BCL2L13: variants seen among roughly 807,000 people sequenced by gnomAD.
BCL2L13 encodes BCL2 like 13, also known as bcl-2-like protein 13.
A neutral mutation model predicts 25.8 loss-of-function variants in BCL2L13; 13 were observed. That is an observed-to-expected ratio of 0.50 (90% CI 0.33 to 0.80). The LOEUF (loss-of-function observed/expected upper bound fraction) is 0.80, where lower values mean the gene tolerates loss of function less well. BCL2L13 is among the 30% of genes least tolerant of loss of function. BCL2L13 has a pLI of 0.02. For missense variants in BCL2L13, 504 were observed against 574.9 expected (o/e 0.88, Z 1.26); for synonymous variants, 244 against 230.3 (o/e 1.06, Z -0.54).
At chr22:17,721,508 C>G (rs1415281098) in intron 6 of BCL2L13, among the ~76,000 whole-genome samples, 2 of 145,524 alleles carry the variant, frequency 1.4e-5, no homozygotes, top group Non-Finnish European at 3.0e-5. Context: ...TTTTTTAAGT[C>G]ATGACACTTA....
At chr22:17,649,521 G>C (rs1056766780) in intron 1 of BCL2L13, among the ~76,000 whole-genome samples, 4 of 148,260 alleles carry the variant, frequency 2.7e-5, no homozygotes, top group Non-Finnish European at 6.0e-5. Flanking sequence ...TTTTTTTTTT[G>C]AGACGAAGTC....
At chr22:17,644,534 G>A (rs35709877) in intron 1 of BCL2L13, among the ~76,000 whole-genome samples, 21,229 of 150,996 alleles carry the variant, frequency 0.14, 2,106 homozygotes, top group Non-Finnish European at 0.21. Flanking sequence ...GTTTCACCAC[G>A]TTGGCCAGGA....
At chr22:17,721,169 CA>C (rs113679105) in intron 6 of BCL2L13, among the ~76,000 whole-genome samples, 76,205 of 143,482 alleles carry the variant, frequency 0.53, 20,116 homozygotes, top group East Asian at 0.84. Flanking sequence ...GACTCCGTCT[CA>C]AAAAAAAAAA....
chr22:17,725,979 G>A (rs561814331), intron 6 of BCL2L13, among the ~76,000 whole-genome samples: 34 of 151,890 alleles, frequency 2.2e-4, no homozygotes, highest in African/African-American at 8.2e-4. Context: ...ATTTTTGACT[G>A]TGTTTTGCCT....
chr22:17,704,088 T>G (rs1170923337), intron 6 of BCL2L13, among the ~76,000 whole-genome samples: 2 of 152,188 alleles, frequency 1.3e-5, no homozygotes, highest in African/African-American at 4.8e-5. Flanking sequence ...ACTAGTTCAT[T>G]AATACTTCTT....
chr22:17,661,273 A>C (rs1220743500), intron 2 of BCL2L13, among the ~76,000 whole-genome samples: 1 of 145,020 alleles, frequency 6.9e-6, no homozygotes, highest in Admixed American at 6.9e-5. Flanking sequence ...TTGTATTTTT[A>C]GTAGAGACAG....
intron 1 of BCL2L13, among the ~76,000 whole-genome samples, chr22:17,643,362 C>T (rs553261909): frequency 7.9e-5 from 12 of 152,214 alleles, no homozygotes; most frequent in African/African-American, 2.9e-4. Context: ...CCTTAGCCTC[C>T]CAAAGTGCTG....
chr22:17,713,011 G>A (rs1023838287), intron 6 of BCL2L13, among the ~76,000 whole-genome samples: 2 of 152,154 alleles, frequency 1.3e-5, no homozygotes, highest in African/African-American at 4.8e-5. Context: ...GGGTATGGGA[G>A]AGATCAAGAA....
chr22:17,715,030 AG>A (rs1358824426), intron 6 of BCL2L13, among the ~76,000 whole-genome samples: 1 of 150,686 alleles, frequency 6.6e-6, no homozygotes, highest in African/African-American at 2.4e-5. Flanking sequence ...GCAAAGATGC[AG>A]AAAGAGAAGT....
At chr22:17,640,283 T>C (rs2058228852) in intron 1 of BCL2L13, among the ~76,000 whole-genome samples, 1 of 152,236 alleles carries the variant, frequency 6.6e-6, no homozygotes, top group Admixed American at 6.5e-5. Flanking sequence ...ATCTTTTTAC[T>C]AGGAATGGTC....
rs1568903597 is a variant in BCL2L13, at chr22:17,631,672, A to ATT, written c.-650+2668_-650+2669insTT. 2.0e-3 allele frequency among the ~76,000 whole-genome samples: 33 copies of ATT among 16,362 alleles called. 2 individuals carry two copies. The highest frequency in any genetic ancestry group is 7.3e-3 in the Admixed American group (8 of 1,100). 10.7% of individuals were successfully genotyped at this position (16,362 alleles called of 152,430 possible). On this transcript the variant is annotated intron_variant, in intron 1 of 6. Coordinates refer to the BCL2L13 transcript ENST00000399782. ...TGTGTGTATGTATGTGTGTGTGTGT[A>ATT]TATATATATATATATATATATATAT...
upstream of BCL2L13, among the ~76,000 whole-genome samples, chr22:17,634,880 C>G (rs1827478001): frequency 6.7e-6 from 1 of 149,732 alleles, no homozygotes; most frequent in South Asian, 2.1e-4. Flanking sequence ...CCTGGGAAGT[C>G]AAGGCTAGAG....
upstream of BCL2L13, among the ~76,000 whole-genome samples, chr22:17,634,821 G>A (rs534148274): frequency 3.9e-5 from 6 of 152,184 alleles, no homozygotes; most frequent in South Asian, 2.1e-4. Flanking sequence ...TCTGGTGCAT[G>A]CCTGTAGTCC....
intron 6 of BCL2L13, among the ~76,000 whole-genome samples, chr22:17,709,670 A>G (rs1301477632): frequency 6.6e-6 from 1 of 152,224 alleles, no homozygotes; most frequent in African/African-American, 2.4e-5. Context: ...CTGTAATCCC[A>G]ACTACTCAGG....
At chr22:17,724,948 G>T (rs1401033228) in intron 6 of BCL2L13, among the ~76,000 whole-genome samples, 1 of 152,164 alleles carries the variant, frequency 6.6e-6, no homozygotes, top group Non-Finnish European at 1.5e-5. Flanking sequence ...CATATGTCAG[G>T]CTTCACAGCT....
Position 17,730,180 on chromosome 22 carries a change from C to G in BCL2L13, c.*2646C>G, listed in dbSNP as rs367882084. The G allele has an allele frequency of 6.6e-6, 1 of 152,188 alleles. No homozygotes were observed. The highest frequency in any genetic ancestry group is 1.5e-5 in the Non-Finnish European group (1 of 68,042). The allele number at this position is 152,188 out of a possible 1,614,324, so 9.4% of individuals were successfully genotyped here. A position where few individuals can be genotyped will look rare whatever the true frequency, so the allele number is the denominator to read the frequency against. On this transcript the variant is annotated 3_prime_UTR_variant, in exon 7 of 7. Coordinates refer to ENST00000317582, the MANE Select transcript of BCL2L13 (RefSeq NM_015367.4). ...GGAAAAAACAACGCCAATTTATCCT[C>G]TCTGTATTAAAGTGATAATTCTGGG...
chr22:17,635,928 C>CG (rs1568907482), upstream of BCL2L13, among the ~76,000 whole-genome samples: 15 of 148,134 alleles, frequency 1.0e-4, no homozygotes, highest in Non-Finnish European at 2.2e-4. Flanking sequence ...CCAGGATGGT[C>CG]TCCATCTCCT....
chr22:17,714,793 A>G (rs1160021787), intron 6 of BCL2L13, among the ~76,000 whole-genome samples: 4 of 152,074 alleles, frequency 2.6e-5, no homozygotes, highest in Non-Finnish European at 4.4e-5. Flanking sequence ...TGGAAAACGT[A>G]TATTTCCTCT....
In BCL2L13 at chr22:17,689,572, C is replaced by T. The variant is rs1333166413; in HGVS notation, c.386+430C>T. On this transcript the variant is annotated intron_variant, in intron 4 of 6. Transcript: ENST00000317582. ...TATTTAACATTTTATTGACCGGGCG[C>T]GGTGGCTCACGCCTGTAATCCCAGC... 2.0e-5 allele frequency among the ~76,000 whole-genome samples: 3 copies of T among 152,198 alleles called. No homozygotes were observed. The South Asian group carries it at 6.2e-4, about 32-fold the overall frequency.
Sources: allele counts gnomAD v4.1 joint callset (sites outside exome capture counted in the v4.1 genomes callset), GRCh38; gene constraint gnomAD v4.1.1; transcripts MANE v1.5; gene names NCBI Gene and HGNC (gene_info 2026-07-23, HGNC 2026-07-21).